The following FSHR variants were observed in gnomAD, a reference collection of about 807,000 sequenced individuals.
FSHR encodes follicle stimulating hormone receptor.
FSHR carries 46 observed loss-of-function variants against 52.1 expected under a neutral mutation model. That is an observed-to-expected ratio of 0.88 (90% CI 0.70 to 1.13). The LOEUF is 1.13. FSHR is among the 50% of genes most tolerant of loss of function. FSHR has a pLI of 0.00. For missense variants in FSHR, 964 were observed against 834.6 expected (o/e 1.16, Z -1.91); for synonymous variants, 399 against 309.6 (o/e 1.29, Z -3.03).
intron 8 of FSHR, 103 bp downstream of exon 8, chr2:48,982,809 A>T: frequency 2.0e-6 from 2 of 1,015,402 alleles, no homozygotes; most frequent in Non-Finnish European, 3.1e-6. Context: ...ATTGAACTTG[A>T]TGGCCAGCCC....
intron 1 of FSHR, among the ~76,000 whole-genome samples, chr2:49,134,049 A>G (rs1672396881): frequency 6.6e-6 from 1 of 152,210 alleles, no homozygotes; most frequent in African/African-American, 2.4e-5. Flanking sequence ...GATGGCAACA[A>G]AAGCCAAAAT....
At chr2:48,992,098 A>G (rs1675809200) in intron 4 of FSHR, among the ~76,000 whole-genome samples, 1 of 151,840 alleles carries the variant, frequency 6.6e-6, no homozygotes, top group Non-Finnish European at 1.5e-5. Flanking sequence ...TAATTACTTC[A>G]ACAGCCCTTG....
intron 1 of FSHR, among the ~76,000 whole-genome samples, chr2:49,128,799 A>G (rs1164806598): frequency 2.0e-5 from 3 of 152,166 alleles, no homozygotes; most frequent in African/African-American, 4.8e-5. Context: ...AAGCTCTGGA[A>G]AAACTCGGAC....
chr2:49,139,920 T>G (rs1425469692), intron 1 of FSHR, among the ~76,000 whole-genome samples: 4 of 152,126 alleles, frequency 2.6e-5, no homozygotes, highest in Admixed American at 6.5e-5. Flanking sequence ...ATGTTTCAAA[T>G]GCAGAGTATT....
intron 1 of FSHR, among the ~76,000 whole-genome samples, chr2:49,086,058 A>G (rs905853189): frequency 6.6e-6 from 1 of 152,172 alleles, no homozygotes; most frequent in Non-Finnish European, 1.5e-5. Flanking sequence ...GCACATGTAT[A>G]CATATGTAAC....
At chr2:48,979,281 C>T (rs1038779199) in intron 8 of FSHR, among the ~76,000 whole-genome samples, 1 of 151,870 alleles carries the variant, frequency 6.6e-6, no homozygotes, top group African/African-American at 2.4e-5. Context: ...CCTGTCTCTG[C>T]AACAAAAAAA....
At chr2:49,107,815 T>C (rs188472442) in intron 1 of FSHR, among the ~76,000 whole-genome samples, 8 of 152,294 alleles carry the variant, frequency 5.3e-5, no homozygotes, top group East Asian at 3.9e-4. Flanking sequence ...ACAGCAGAGA[T>C]GAAGTTTGGA....
chr2:49,096,592 A>C (rs1187108723), intron 1 of FSHR, among the ~76,000 whole-genome samples: 2 of 152,222 alleles, frequency 1.3e-5, no homozygotes, highest in South Asian at 2.1e-4. Flanking sequence ...ACTTAAAAAG[A>C]GTGAATTTTA....
chr2:49,123,447 A>C (rs532583626), intron 1 of FSHR, among the ~76,000 whole-genome samples: 1 of 152,246 alleles, frequency 6.6e-6, no homozygotes, highest in Non-Finnish European at 1.5e-5. Flanking sequence ...TGATCGCATC[A>C]CTGCACTCCA....
chr2:49,114,284 G>T (rs564748774), intron 1 of FSHR, among the ~76,000 whole-genome samples: 1 of 152,282 alleles, frequency 6.6e-6, no homozygotes, highest in East Asian at 1.9e-4. Context: ...CATGGTGACT[G>T]GGGGCTGATC....
At chr2:49,147,719 C>A (rs1349746290) in intron 1 of FSHR, among the ~76,000 whole-genome samples, 1 of 151,234 alleles carries the variant, frequency 6.6e-6, no homozygotes, top group Non-Finnish European at 1.5e-5. Flanking sequence ...TATAGCTGTT[C>A]CTTTAGTCAT....
At chr2:49,077,975 C>T (rs1331730278) in intron 1 of FSHR, among the ~76,000 whole-genome samples, 1 of 152,200 alleles carries the variant, frequency 6.6e-6, no homozygotes, top group Non-Finnish European at 1.5e-5. Flanking sequence ...CCCACATTTT[C>T]CTGTCTTCTG....
intron 2 of FSHR, among the ~76,000 whole-genome samples, chr2:49,031,714 C>G (rs1224056349): frequency 6.6e-6 from 1 of 152,102 alleles, no homozygotes. Flanking sequence ...CATTGTAGAT[C>G]CATATAAGCA....
chr2:48,987,734 G>A (rs970817978), intron 6 of FSHR, among the ~76,000 whole-genome samples: 1 of 151,806 alleles, frequency 6.6e-6, no homozygotes, highest in African/African-American at 2.4e-5. Context: ...CTCTTAGAAT[G>A]ATTGCTCTTT....
chr2:48,995,256 A>G lies in FSHR; in HGVS notation c.375-4619T>C, dbSNP rs1345138832. On this transcript the variant is annotated intron_variant, in intron 4 of 9. Transcript: ENST00000406846. ...GGGAGTTTGGGAGTGAGTTAAGACT[A>G]GCACAGGTGAAACACTCAGAATGGT... Among the ~76,000 whole-genome samples the G allele has an allele frequency of 4.6e-5, 7 of 152,266 alleles. No individual in the cohort carries two copies. In the East Asian group the frequency reaches 1.4e-3, roughly 29 times the overall value.
chr2:48,986,162 T>C (rs1421226751), intron 6 of FSHR, among the ~76,000 whole-genome samples: 1 of 152,200 alleles, frequency 6.6e-6, no homozygotes, highest in Non-Finnish European at 1.5e-5. Context: ...TTGTCTGTTG[T>C]TCCTTTCCTA....
intron 1 of FSHR, among the ~76,000 whole-genome samples, chr2:49,111,863 A>G (rs1268513012): frequency 1.3e-5 from 2 of 152,154 alleles, no homozygotes; most frequent in Non-Finnish European, 1.5e-5. Flanking sequence ...TTACTCTCAA[A>G]CAGTACATTG....
intron 1 of FSHR, among the ~76,000 whole-genome samples, chr2:49,087,083 T>TTTTG (rs1329745550): frequency 2.1e-5 from 3 of 145,942 alleles, no homozygotes; most frequent in African/African-American, 7.6e-5. Flanking sequence ...TTTTTTTTTT[T>TTTTG]TTTTTTTTTT....
In FSHR at chr2:48,968,890, A is replaced by G. The variant is rs764728665; in HGVS notation, c.669-7T>C. ...CCTTGTTCTTGAAATATCTCTATAA[A>G]GAGAAAAGGTAAATATAACAGGATT... is the stretch of plus-strand genomic sequence containing the variant. On this transcript the variant is annotated splice_region_variant and splice_polypyrimidine_tract_variant and intron_variant, in intron 8 of 9. Coordinates refer to ENST00000406846, the MANE Select transcript of FSHR (RefSeq NM_000145.4). The G allele has an allele frequency of 3.1e-6, 5 of 1,612,458 alleles. No individual in the cohort carries two copies. The South Asian group carries it at 3.3e-5, about 11-fold the overall frequency.
Sources: allele counts gnomAD v4.1 joint callset (sites outside exome capture counted in the v4.1 genomes callset), GRCh38; gene constraint gnomAD v4.1.1; transcripts MANE v1.5; gene names NCBI Gene and HGNC (gene_info 2026-07-23, HGNC 2026-07-21).